Variants in PDE7B observed in about 807,000 individuals in gnomAD.
PDE7B encodes the protein phosphodiesterase 7B.
In PDE7B, 29 loss-of-function variants were observed where a neutral mutation model predicts 56.2. The ratio of observed to expected loss-of-function variants is 0.52; its 90% confidence interval spans 0.38 to 0.70. The LOEUF (loss-of-function observed/expected upper bound fraction) is 0.70, where lower values mean the gene tolerates loss of function less well. PDE7B is among the 30% of genes least tolerant of loss of function. The pLI, the probability that PDE7B is intolerant of heterozygous loss-of-function variation, is 0.00. For synonymous variants in PDE7B, 197 were observed against 196.9 expected (o/e 1.00, Z 0.00); for missense variants, 490 against 565.0 (o/e 0.87, Z 1.35).
intron 1 of PDE7B, among the ~76,000 whole-genome samples, chr6:135,896,775 G>C (rs184740431): frequency 6.6e-6 from 1 of 152,148 alleles, no homozygotes; most frequent in Non-Finnish European, 1.5e-5. Context: ...CTACCCAACA[G>C]ATCTTCAGTA....
intron 1 of PDE7B, among the ~76,000 whole-genome samples, chr6:135,919,628 C>T (rs911327113): frequency 4.6e-5 from 7 of 152,090 alleles, no homozygotes; most frequent in African/African-American, 1.7e-4. Flanking sequence ...TTTCTTTTTC[C>T]TAGTGTTTCA....
At position 136,102,844 on chromosome 6, in the gene PDE7B, A is replaced by G. The variant is rs1266846074; in HGVS notation, c.83-5887A>G. Among the ~76,000 whole-genome samples, 8 of 152,306 alleles carry G rather than the reference A, an allele frequency of 5.3e-5. No homozygotes were observed. In the East Asian group the frequency reaches 1.5e-3, roughly 29 times the overall value. ...ACTATTTACATATTCACTTTTCAGC[A>G]TTCAAGTTCCAAAATGCACATTTGT... On this transcript the variant is annotated intron_variant, in intron 2 of 12. Transcript: ENST00000308191.
At chr6:136,099,142 A>G (rs1157677789) in intron 2 of PDE7B, among the ~76,000 whole-genome samples, 1 of 152,188 alleles carries the variant, frequency 6.6e-6, no homozygotes, top group African/African-American at 2.4e-5. Context: ...TCCATGGCAT[A>G]AATGTGCCAC....
intron 2 of PDE7B, among the ~76,000 whole-genome samples, chr6:135,993,750 G>A (rs1188040898): frequency 6.6e-6 from 1 of 152,162 alleles, no homozygotes; most frequent in East Asian, 1.9e-4. Flanking sequence ...TCAAAATTCG[G>A]GCAGATTAAC....
intron 8 of PDE7B, among the ~76,000 whole-genome samples, chr6:136,170,351 G>A (rs1237600001): frequency 6.6e-6 from 1 of 151,978 alleles, no homozygotes. Context: ...CAATTCAGTG[G>A]TATTAAGCAC....
At chr6:136,138,611 T>C (rs1778256795) in intron 3 of PDE7B, among the ~76,000 whole-genome samples, 1 of 152,188 alleles carries the variant, frequency 6.6e-6, no homozygotes, top group East Asian at 1.9e-4. Flanking sequence ...ATAAGAAAGT[T>C]AAGTGCTATT....
At chr6:136,119,809 A>G (rs1777899228) in intron 3 of PDE7B, among the ~76,000 whole-genome samples, 1 of 152,224 alleles carries the variant, frequency 6.6e-6, no homozygotes, top group Admixed American at 6.5e-5. Context: ...CTTTCCACTC[A>G]ACCATATAAG....
chr6:136,156,570 T>G lies in PDE7B; in HGVS notation c.711+812T>G, dbSNP rs184464779. ...TGGGGTATAGGTCTAGGGACCACAT[T>G]CAGGATACTACCTATATCAGTCACC... is the stretch of plus-strand genomic sequence containing the variant. On this transcript the variant is annotated intron_variant, in intron 8 of 12. Transcript: ENST00000308191. 6.6e-5 allele frequency among the ~76,000 whole-genome samples: 10 copies of G among 152,244 alleles called. No individual in the cohort carries two copies. In the East Asian group the frequency reaches 1.7e-3, roughly 26 times the overall value.
At chr6:136,095,173 T>G (rs537081192) in intron 2 of PDE7B, among the ~76,000 whole-genome samples, 1 of 152,326 alleles carries the variant, frequency 6.6e-6, no homozygotes, top group East Asian at 1.9e-4. Context: ...TTTCCCAAAT[T>G]TGATAACACC....
intron 8 of PDE7B, among the ~76,000 whole-genome samples, chr6:136,168,681 G>A (rs543534739): frequency 7.9e-4 from 120 of 152,224 alleles, no homozygotes; most frequent in Non-Finnish European, 1.4e-3. Flanking sequence ...CACTATGTAG[G>A]AAAAACCAAA....
At chr6:136,021,515 A>G (rs899577035) in intron 2 of PDE7B, among the ~76,000 whole-genome samples, 1 of 152,010 alleles carries the variant, frequency 6.6e-6, no homozygotes, top group Non-Finnish European at 1.5e-5. Flanking sequence ...GTGGTGGTGC[A>G]TGCCTGTAAT....
At chr6:136,067,170 C>A (rs931887704) in intron 2 of PDE7B, among the ~76,000 whole-genome samples, 3 of 152,172 alleles carry the variant, frequency 2.0e-5, no homozygotes, top group African/African-American at 7.2e-5. Context: ...TGTTTTTTCT[C>A]TGTAGGAATT....
chr6:136,119,159 C>T (rs888827863), intron 3 of PDE7B, among the ~76,000 whole-genome samples: 1 of 152,136 alleles, frequency 6.6e-6, no homozygotes, highest in African/African-American at 2.4e-5. Flanking sequence ...TATTTCCTGT[C>T]GTGCAAACCA....
At chr6:136,096,902 C>T (rs1025017469) in intron 2 of PDE7B, among the ~76,000 whole-genome samples, 2 of 152,140 alleles carry the variant, frequency 1.3e-5, no homozygotes, top group African/African-American at 4.8e-5. Context: ...TCACTCACTT[C>T]AGTCACTCAA....
rs370460897 is a variant in PDE7B, at chr6:136,108,819, G to A, written c.166+5G>A. On this transcript the variant is annotated splice_donor_5th_base_variant and intron_variant, in intron 3 of 12. Transcript: ENST00000308191. Reference sequence around the variant, plus strand: ...TTGACTTCCGCCTACTTAACAGTGAGTAATCAAGTGTACCTGGAAAGGAAC... The same window carrying A: ...TTGACTTCCGCCTACTTAACAGTGAATAATCAAGTGTACCTGGAAAGGAAC... 2.0e-6 allele frequency: 3 copies of A among 1,511,934 alleles called. No homozygotes were observed. In the South Asian group the frequency reaches 3.4e-5, roughly 17 times the overall value. 93.7% of individuals were successfully genotyped at this position (1,511,934 alleles called of 1,614,324 possible).
chr6:136,000,373 A>T (rs1300743425), intron 2 of PDE7B, among the ~76,000 whole-genome samples: 1 of 152,028 alleles, frequency 6.6e-6, no homozygotes, highest in Non-Finnish European at 1.5e-5. Flanking sequence ...CATGGTTTTT[A>T]TAGTTTTGGG....
chr6:136,026,762 G>A (rs1260842867), intron 2 of PDE7B, among the ~76,000 whole-genome samples: 1 of 152,214 alleles, frequency 6.6e-6, no homozygotes, highest in Non-Finnish European at 1.5e-5. Context: ...GCTTAGTGCT[G>A]TATCTGGTAC....
At chr6:136,064,160 G>A (rs886457712) in intron 2 of PDE7B, among the ~76,000 whole-genome samples, 12 of 152,092 alleles carry the variant, frequency 7.9e-5, no homozygotes, top group African/African-American at 2.9e-4. Flanking sequence ...TGCAATGGAA[G>A]ACTATTAGTA....
chr6:136,147,641 T>G, intron 4 of PDE7B, 139 bp downstream of exon 4: 1 of 599,348 alleles, frequency 1.7e-6, no homozygotes, highest in Non-Finnish European at 3.0e-6. Context: ...ACATCTGGAC[T>G]TGTTCCTCTA....
Sources: allele counts gnomAD v4.1 joint callset (sites outside exome capture counted in the v4.1 genomes callset), GRCh38; gene constraint gnomAD v4.1.1; transcripts MANE v1.5; gene names NCBI Gene and HGNC (gene_info 2026-07-23, HGNC 2026-07-21).